Variants in CPD observed in about 807,000 individuals in gnomAD.
The protein encoded by CPD is carboxypeptidase D.
In CPD, 69 loss-of-function variants were observed where a neutral mutation model predicts 138.3. That is an observed-to-expected ratio of 0.50 (90% CI 0.41 to 0.61). The LOEUF (loss-of-function observed/expected upper bound fraction) is 0.61. Among genes scored for constraint, CPD ranks in the 20% least tolerant of loss-of-function variants. The probability of loss-of-function intolerance (pLI) is 0.00; values close to 1 mark genes in which losing one functional copy is unlikely to be tolerated. For missense variants in CPD, 1,432 were observed against 1,733.3 expected (o/e 0.83, Z 3.09); for synonymous variants, 651 against 642.1 (o/e 1.01, Z -0.21).
In CPD at chr17:30,396,975, G is replaced by A. The variant is rs1911525894; in HGVS notation, c.994+11739G>A. On this transcript the variant is annotated intron_variant, in intron 2 of 20. Transcript: ENST00000225719. Reference sequence around the variant, plus strand: ...TCATATTCTCTTCTCCCAATTGACTGAAGACAGGCATACTTTTCTACCCAC... The same window carrying A: ...TCATATTCTCTTCTCCCAATTGACTAAAGACAGGCATACTTTTCTACCCAC... Among the ~76,000 whole-genome samples, 3 of 152,142 alleles carry A rather than the reference G, an allele frequency of 2.0e-5. No individual in the cohort carries two copies. The South Asian group carries it at 6.2e-4, about 32-fold the overall frequency.
In CPD at chr17:30,464,822, A is replaced by AT; in HGVS notation, c.*12dup. Reference sequence around the variant, plus strand: ...TATTCTAGCAAACATTGAAAAACACATTTTGCATATCTCCCAGCATAAGTA... The same window carrying AT: ...TATTCTAGCAAACATTGAAAAACACATTTTTGCATATCTCCCAGCATAAGTA... On this transcript the variant is annotated 3_prime_UTR_variant, in exon 21 of 21. Transcript: ENST00000225719. The AT allele has an allele frequency of 6.2e-7, 1 of 1,606,586 alleles. No homozygotes were observed. The highest frequency in any genetic ancestry group is 1.7e-5 in the Admixed American group (1 of 59,986).
chr17:30,398,276 A>G (rs1443364973), intron 2 of CPD, among the ~76,000 whole-genome samples: 1 of 152,140 alleles, frequency 6.6e-6, no homozygotes, highest in African/African-American at 2.4e-5. Context: ...ATAGAATAAT[A>G]GAAACTCGCT....
At chr17:30,453,785 A>G (rs186124670) in intron 14 of CPD, among the ~76,000 whole-genome samples, 1 of 152,330 alleles carries the variant, frequency 6.6e-6, no homozygotes, top group East Asian at 1.9e-4. Flanking sequence ...ACATCTTCTG[A>G]AATCTAGGTG....
intron 2 of CPD, among the ~76,000 whole-genome samples, chr17:30,396,768 A>T (rs779742637): frequency 6.6e-6 from 1 of 152,152 alleles, no homozygotes; most frequent in Non-Finnish European, 1.5e-5. Flanking sequence ...TTGTTCTTTG[A>T]TACTGGTAAA....
In CPD at chr17:30,423,670, C is replaced by T; in HGVS notation, c.1822C>T (p.Pro608Ser). ...AATTCACCTTATGCCATCCATGAAT[C>T]CTGATGGGTATGAAAAGTCCCAGGA... ...TRIHLMPSMNPDGYEKSQEGD... is the reference protein window; with the variant it reads ...TRIHLMPSMNSDGYEKSQEGD... The change falls in exon 6 of 21, where the codon CCT (proline) becomes TCT (serine). Residue 608 changes from proline to serine, a missense_variant. Transcript: ENST00000225719. 1 of 1,597,142 alleles carries T rather than the reference C, an allele frequency of 6.3e-7. No individual in the cohort carries two copies. Among genetic ancestry groups the T allele is most frequent in the Non-Finnish European group, 8.5e-7 (1 of 1,172,748 alleles).
intron 2 of CPD, among the ~76,000 whole-genome samples, chr17:30,419,928 T>C (rs1006797334): frequency 3.9e-5 from 6 of 152,232 alleles, no homozygotes; most frequent in African/African-American, 1.2e-4. Flanking sequence ...CTGTGTGACA[T>C]CATCTGAGAT....
At chr17:30,385,497 T>A (rs1371111667) in intron 2 of CPD, among the ~76,000 whole-genome samples, 2 of 113,696 alleles carry the variant, frequency 1.8e-5, no homozygotes, top group Non-Finnish European at 3.4e-5. Context: ...TGCACGTGTA[T>A]GTGCATGCAC....
rs78385519 is a variant in CPD at position 30,378,994 on chromosome 17, G to C, written c.14G>C (p.Arg5Pro). The C allele has an allele frequency of 2.6e-6, 4 of 1,541,654 alleles. No individual in the cohort carries two copies. In the Admixed American group the frequency reaches 5.7e-5, roughly 22 times the overall value. MASG[R>P]DERPPWRLGR... ...CGCTGCTGGAAGATGGCGAGCGGCC[G>C]GGACGAGCGGCCGCCTTGGCGGCTA... is the stretch of plus-strand genomic sequence containing the variant. The change falls in exon 1 of 21, where the codon CGG becomes CCG. Residue 5 changes from arginine (R) to proline (P), a missense_variant. Transcript: ENST00000225719.
At chr17:30,384,668 CTAAA>C (rs1911133373) in intron 1 of CPD, among the ~76,000 whole-genome samples, 1 of 152,100 alleles carries the variant, frequency 6.6e-6, no homozygotes, top group African/African-American at 2.4e-5. Flanking sequence ...TTAGAATTCC[CTAAA>C]TAAGACATTT....
chr17:30,447,116 T>G (rs1404817468), intron 12 of CPD, among the ~76,000 whole-genome samples: 1 of 152,196 alleles, frequency 6.6e-6, no homozygotes, highest in South Asian at 2.1e-4. Flanking sequence ...TTTCTTCCAT[T>G]CTGTAGGTTG....
At chr17:30,386,320 C>T (rs906342180) in intron 2 of CPD, among the ~76,000 whole-genome samples, 60 of 152,290 alleles carry the variant, frequency 3.9e-4, no homozygotes, top group African/African-American at 1.4e-3. Context: ...TGAGCCACTT[C>T]ACCCAGCCCA....
chr17:30,456,654 C>A (rs957449471), intron 17 of CPD, 128 bp downstream of exon 17: 2 of 803,574 alleles, frequency 2.5e-6, no homozygotes, highest in Admixed American at 2.1e-5. Flanking sequence ...CCAGCCTGGC[C>A]AACATGGTGA....
intron 2 of CPD, among the ~76,000 whole-genome samples, chr17:30,408,028 T>C (rs1453568679): frequency 1.3e-5 from 2 of 152,240 alleles, no homozygotes; most frequent in Non-Finnish European, 2.9e-5. Flanking sequence ...TTCAGCTTCC[T>C]ACATATGGCT....
chr17:30,432,690 T>C (rs1251458231), intron 8 of CPD, among the ~76,000 whole-genome samples: 1 of 152,042 alleles, frequency 6.6e-6, no homozygotes, highest in East Asian at 1.9e-4. Flanking sequence ...GAGAATTGCT[T>C]GAGCTCTCAG....
chr17:30,433,215 T>A (rs915241130), intron 8 of CPD, among the ~76,000 whole-genome samples: 1 of 152,216 alleles, frequency 6.6e-6, no homozygotes, highest in Non-Finnish European at 1.5e-5. Context: ...TATTGCTTTC[T>A]GTTTGGACAT....
intron 8 of CPD, among the ~76,000 whole-genome samples, chr17:30,433,442 T>A (rs1200555333): frequency 2.6e-5 from 4 of 152,234 alleles, no homozygotes. Flanking sequence ...TTTACCTTTC[T>A]CTGTAGGGTA....
chr17:30,380,235 G>C (rs1911004535), intron 1 of CPD: 1 of 171,540 alleles, frequency 5.8e-6, no homozygotes, highest in Middle Eastern at 2.5e-3. Context: ...ATTTACATAG[G>C]AGTGTGGCTG....
intron 11 of CPD, 117 bp downstream of exon 11, chr17:30,444,088 C>A: frequency 3.0e-6 from 3 of 1,006,074 alleles, no homozygotes; most frequent in Non-Finnish European, 4.3e-6. Context: ...TGGATTGCTG[C>A]GAAGTTTAGG....
chr17:30,436,262 A>G (rs1912697126), intron 8 of CPD, among the ~76,000 whole-genome samples: 2 of 152,146 alleles, frequency 1.3e-5, no homozygotes, highest in South Asian at 4.1e-4. Context: ...ATCGTGAGCT[A>G]TGATCATGCC....
Sources: allele counts gnomAD v4.1 joint callset (sites outside exome capture counted in the v4.1 genomes callset), GRCh38; gene constraint gnomAD v4.1.1; transcripts MANE v1.5; gene names NCBI Gene and HGNC (gene_info 2026-07-23, HGNC 2026-07-21).